The following RARB variants were observed in gnomAD, a reference collection of about 807,000 sequenced individuals.
The protein encoded by RARB is retinoic acid receptor beta.
RARB carries 17 observed loss-of-function variants against 51.9 expected under a neutral mutation model. The ratio of observed to expected loss-of-function variants is 0.33; its 90% CI spans 0.22 to 0.49. RARB has a LOEUF of 0.49. Among genes scored for constraint, RARB ranks in the 20% least tolerant of loss-of-function variants. RARB has a pLI of 0.99. For missense variants in RARB, 369 were observed against 550.8 expected (o/e 0.67, Z 3.30); for synonymous variants, 215 against 195.4 (o/e 1.10, Z -0.84).
intron 5 of RARB, among the ~76,000 whole-genome samples, chr3:25,389,815 A>T (rs1253195053): frequency 6.6e-6 from 1 of 152,224 alleles, no homozygotes; most frequent in East Asian, 1.9e-4. Context: ...GTTATCTTTG[A>T]AGTGCATTGG....
intron 5 of RARB, among the ~76,000 whole-genome samples, chr3:25,226,627 C>T (rs1553645712): frequency 6.6e-6 from 1 of 152,122 alleles, no homozygotes; most frequent in Non-Finnish European, 1.5e-5. Flanking sequence ...TTTGATTTTA[C>T]ACTCAACTTG....
intron 2 of RARB, among the ~76,000 whole-genome samples, chr3:24,860,864 C>T (rs1205255921): frequency 6.6e-6 from 1 of 151,548 alleles, no homozygotes; most frequent in Non-Finnish European, 1.5e-5. Flanking sequence ...ACTCAAGGGG[C>T]TTCTTGTATA....
chr3:25,320,464 C>T (rs1233711034), intron 5 of RARB, among the ~76,000 whole-genome samples: 3 of 152,062 alleles, frequency 2.0e-5, no homozygotes, highest in African/African-American at 4.8e-5. Flanking sequence ...GACATACAAC[C>T]GAAAGTTTGG....
intron 2 of RARB, among the ~76,000 whole-genome samples, chr3:24,931,801 C>T (rs1695445969): frequency 6.6e-6 from 1 of 151,956 alleles, no homozygotes; most frequent in Non-Finnish European, 1.5e-5. Flanking sequence ...GGCAAACTTG[C>T]TAGCAAATAG....
intron 5 of RARB, among the ~76,000 whole-genome samples, chr3:25,266,677 G>A (rs957935822): frequency 1.3e-5 from 2 of 152,074 alleles, no homozygotes; most frequent in Non-Finnish European, 2.9e-5. Context: ...TTGGAAATAC[G>A]GACTTTAAGA....
intron 2 of RARB, among the ~76,000 whole-genome samples, chr3:25,476,213 TAGA>T (rs1487348883): frequency 6.6e-6 from 1 of 152,204 alleles, no homozygotes; most frequent in East Asian, 1.9e-4. Context: ...ACCATGTGTC[TAGA>T]AGAAGGAGAA....
chr3:25,510,669 C>T (rs1205422564), intron 3 of RARB, among the ~76,000 whole-genome samples: 2 of 152,128 alleles, frequency 1.3e-5, no homozygotes, highest in African/African-American at 2.4e-5. Context: ...AACGTGTATA[C>T]TAGTTTAATG....
intron 5 of RARB, among the ~76,000 whole-genome samples, chr3:25,289,096 G>C (rs758713090): frequency 6.6e-6 from 1 of 152,216 alleles, no homozygotes; most frequent in Non-Finnish European, 1.5e-5. Flanking sequence ...AGCCTTTTCA[G>C]CTGTTTCACG....
intron 2 of RARB, among the ~76,000 whole-genome samples, chr3:24,988,333 T>C (rs1367556073): frequency 1.3e-5 from 2 of 152,224 alleles, no homozygotes; most frequent in Non-Finnish European, 2.9e-5. Context: ...AAGAATGCAA[T>C]GTTTCTGGTT....
At chr3:25,289,690 G>C (rs322677) in intron 5 of RARB, among the ~76,000 whole-genome samples, 21,257 of 152,168 alleles carry the variant, frequency 0.14, 1,756 homozygotes, top group South Asian at 0.22. Context: ...GATAATTGCT[G>C]TATTAACAAA....
At chr3:25,331,117 G>A (rs558632133) in intron 5 of RARB, among the ~76,000 whole-genome samples, 31 of 152,262 alleles carry the variant, frequency 2.0e-4, no homozygotes, top group African/African-American at 5.5e-4. Flanking sequence ...ACAGATCAGC[G>A]AGACAGAAAG....
intron 3 of RARB, among the ~76,000 whole-genome samples, chr3:25,111,665 G>A (rs1237194338): frequency 7.0e-5 from 9 of 128,630 alleles, no homozygotes; most frequent in East Asian, 2.7e-4. Context: ...TGCAACCTCC[G>A]CCTCCTGGGT....
intron 2 of RARB, among the ~76,000 whole-genome samples, chr3:24,877,221 C>G (rs981928386): frequency 1.3e-5 from 2 of 151,922 alleles, no homozygotes; most frequent in African/African-American, 4.8e-5. Flanking sequence ...TAGATAGTAT[C>G]TCACTTCTGT....
At chr3:25,000,055 C>A (rs1459281176) in intron 2 of RARB, among the ~76,000 whole-genome samples, 1 of 152,072 alleles carries the variant, frequency 6.6e-6, no homozygotes, top group African/African-American at 2.4e-5. Flanking sequence ...AGTTCAGTGG[C>A]AACAGAGCTC....
At chr3:25,522,327 G>A (rs1698437360) in intron 3 of RARB, among the ~76,000 whole-genome samples, 1 of 152,032 alleles carries the variant, frequency 6.6e-6, no homozygotes, top group African/African-American at 2.4e-5. Context: ...TAAGAGAATG[G>A]TCTAAACAAC....
At chr3:25,219,691 G>C (rs116188500) in intron 5 of RARB, among the ~76,000 whole-genome samples, 1 of 152,198 alleles carries the variant, frequency 6.6e-6, no homozygotes, top group African/African-American at 2.4e-5. Flanking sequence ...TCACTGTTGT[G>C]CTATTTTCTG....
chr3:25,567,346 A>G (rs771150494), intron 3 of RARB, among the ~76,000 whole-genome samples: 1 of 152,082 alleles, frequency 6.6e-6, no homozygotes, highest in East Asian at 1.9e-4. Flanking sequence ...CCACGAGTCT[A>G]CTTTTTGTCT....
chr3:25,262,576 C>A (rs1012131826), intron 5 of RARB, among the ~76,000 whole-genome samples: 5 of 152,126 alleles, frequency 3.3e-5, no homozygotes, highest in African/African-American at 9.7e-5. Flanking sequence ...CGTTCATGGT[C>A]CCCTTCCTTC....
chr3:24,898,326 T>C (rs1334389720), intron 2 of RARB, among the ~76,000 whole-genome samples: 1 of 149,942 alleles, frequency 6.7e-6, no homozygotes, highest in East Asian at 1.9e-4. Context: ...ATAAATATAA[T>C]ATTTATATTG....
Sources: gnomAD v4.1 joint callset for allele counts (sites outside exome capture counted in the v4.1 genomes callset) on GRCh38, gnomAD v4.1.1 for gene constraint, MANE v1.5 for transcripts, NCBI Gene and HGNC (gene_info 2026-07-23, HGNC 2026-07-21) for gene names.